ZNF804B: variants seen among roughly 807,000 people sequenced by gnomAD.
ZNF804B encodes zinc finger protein 804B.
A neutral mutation model predicts 101.4 loss-of-function variants in ZNF804B; 80 were observed. The ratio of observed to expected loss-of-function variants is 0.79; its 90% CI spans 0.66 to 0.95. ZNF804B has a LOEUF of 0.95. ZNF804B is among the 40% of genes least tolerant of loss of function. The probability of loss-of-function intolerance (pLI) is 0.00; values close to 1 mark genes in which losing one functional copy is unlikely to be tolerated. For missense variants in ZNF804B, 1,673 were observed against 1,561.9 expected (o/e 1.07, Z -1.20); for synonymous variants, 622 against 558.8 (o/e 1.11, Z -1.59).
At chr7:89,127,628 C>G (rs1364747560) in intron 1 of ZNF804B, among the ~76,000 whole-genome samples, 12 of 151,694 alleles carry the variant, frequency 7.9e-5, no homozygotes, top group Admixed American at 7.9e-4. Context: ...GCGCAGATAA[C>G]ATATAGTTCT....
At chr7:88,835,756 C>G (rs1001985533) in intron 1 of ZNF804B, among the ~76,000 whole-genome samples, 4 of 151,718 alleles carry the variant, frequency 2.6e-5, no homozygotes, top group Admixed American at 2.0e-4. Context: ...TACATATATC[C>G]TTTTTCAGTG....
At chr7:88,896,980 C>A (rs1792299241) in intron 1 of ZNF804B, among the ~76,000 whole-genome samples, 1 of 152,144 alleles carries the variant, frequency 6.6e-6, no homozygotes, top group African/African-American at 2.4e-5. Flanking sequence ...TGACTGCCTT[C>A]CAATTCTTCT....
rs1036805960 is a variant in ZNF804B, at chr7:88,798,979, A to G, written c.108+38895A>G. ...TAGCTATCCAAGTTCAAGTTCAAAC[A>G]ACTGATAAGTCACAGAACCTTAATA... On this transcript the variant is annotated intron_variant, in intron 1 of 3. Transcript: ENST00000333190. Among the ~76,000 whole-genome samples the G allele has an allele frequency of 5.3e-5, 8 of 152,236 alleles. No individual in the cohort carries two copies. In the East Asian group the frequency reaches 1.5e-3, roughly 29 times the overall value.
chr7:88,852,393 T>A (rs763127814), intron 1 of ZNF804B, among the ~76,000 whole-genome samples: 3 of 152,110 alleles, frequency 2.0e-5, no homozygotes, highest in Non-Finnish European at 4.4e-5. Flanking sequence ...CTAGACTGAT[T>A]AAGGCCCTAG....
chr7:88,916,885 G>A lies in ZNF804B; in HGVS notation c.108+156801G>A, dbSNP rs541742341. Among the ~76,000 whole-genome samples the A allele has an allele frequency of 6.6e-5, 10 of 152,212 alleles. No homozygotes were observed. The East Asian group carries it at 1.4e-3, about 21-fold the overall frequency. On this transcript the variant is annotated intron_variant, in intron 1 of 3. Transcript: ENST00000333190. ...TACTTAAGAGTGTTAATAGTACTTT[G>A]TTTAGTGTTTTTAATGAAAGATGGT...
intron 1 of ZNF804B, among the ~76,000 whole-genome samples, chr7:89,207,542 T>C (rs1788732633): frequency 6.6e-6 from 1 of 152,202 alleles, no homozygotes; most frequent in Admixed American, 6.5e-5. Flanking sequence ...AAGGTGAGAT[T>C]TGGGTGGGGA....
chr7:88,881,537 C>A (rs944190253), intron 1 of ZNF804B, among the ~76,000 whole-genome samples: 1 of 152,084 alleles, frequency 6.6e-6, no homozygotes, highest in African/African-American at 2.4e-5. Context: ...GTTCTTCAGT[C>A]CAAGACATCT....
chr7:88,982,732 G>T (rs1475820941), intron 1 of ZNF804B, among the ~76,000 whole-genome samples: 1 of 152,014 alleles, frequency 6.6e-6, no homozygotes, highest in Non-Finnish European at 1.5e-5. Flanking sequence ...TTCAATTTAT[G>T]AATTTAGGGG....
intron 1 of ZNF804B, among the ~76,000 whole-genome samples, chr7:88,889,622 C>G (rs540875928): frequency 2.0e-5 from 3 of 152,238 alleles, no homozygotes; most frequent in African/African-American, 7.2e-5. Context: ...GCCCTTTGCC[C>G]ACTTTTTGAT....
At chr7:89,248,995 A>G (rs2115782475) in intron 2 of ZNF804B, among the ~76,000 whole-genome samples, 1 of 151,378 alleles carries the variant, frequency 6.6e-6, no homozygotes, top group East Asian at 1.9e-4. Flanking sequence ...AGCTATTCTT[A>G]TATGAAACAA....
At chr7:88,854,825 A>G (rs1291224608) in intron 1 of ZNF804B, among the ~76,000 whole-genome samples, 10 of 138,112 alleles carry the variant, frequency 7.2e-5, no homozygotes, top group African/African-American at 1.9e-4. Flanking sequence ...TCAGTGTTCA[A>G]TTCCCACCTA....
chr7:89,220,642 A>G (rs139584366), intron 2 of ZNF804B, among the ~76,000 whole-genome samples: 1 of 152,084 alleles, frequency 6.6e-6, no homozygotes, highest in East Asian at 1.9e-4. Flanking sequence ...ATGCTTTAAA[A>G]TTGATGCTTT....
At chr7:89,295,813 T>C (rs956171010) in intron 2 of ZNF804B, among the ~76,000 whole-genome samples, 1 of 152,128 alleles carries the variant, frequency 6.6e-6, no homozygotes, top group Admixed American at 6.6e-5. Flanking sequence ...TTTGGAATAC[T>C]GTTGAGCCAT....
intron 2 of ZNF804B, among the ~76,000 whole-genome samples, chr7:89,220,108 T>C (rs866454810): frequency 0.011 from 1,232 of 108,092 alleles, 393 homozygotes; most frequent in African/African-American, 0.03. Flanking sequence ...TATATATGTG[T>C]GTATATACAT....
intron 1 of ZNF804B, among the ~76,000 whole-genome samples, chr7:89,116,313 A>G (rs1790312380): frequency 6.6e-6 from 1 of 152,200 alleles, no homozygotes; most frequent in African/African-American, 2.4e-5. Flanking sequence ...GATTTAAGAC[A>G]GGTATGGCTA....
chr7:89,131,799 C>T (rs892099816), intron 1 of ZNF804B, among the ~76,000 whole-genome samples: 1 of 151,940 alleles, frequency 6.6e-6, no homozygotes, highest in African/African-American at 2.4e-5. Context: ...ACTCCTCATT[C>T]TCCTGAGGAA....
intron 1 of ZNF804B, among the ~76,000 whole-genome samples, chr7:88,978,669 T>G (rs1444021086): frequency 1.3e-5 from 2 of 151,704 alleles, no homozygotes; most frequent in Non-Finnish European, 2.9e-5. Flanking sequence ...AGTCATCTAC[T>G]CTGTGTCATT....
chr7:88,939,739 TAA>T (rs1793029516), intron 1 of ZNF804B, among the ~76,000 whole-genome samples: 1 of 150,930 alleles, frequency 6.6e-6, no homozygotes, highest in Non-Finnish European at 1.5e-5. Context: ...ATAATCCAAA[TAA>T]AGTTGTTAAA....
chr7:88,930,055 A>ATATTAAATTATT (rs1237638094), intron 1 of ZNF804B, among the ~76,000 whole-genome samples: 1 of 151,908 alleles, frequency 6.6e-6, no homozygotes, highest in Non-Finnish European at 1.5e-5. Flanking sequence ...TTAAATTTAT[A>ATATTAAATTATT]TATTAAATTA....
Sources: allele counts gnomAD v4.1 joint callset (sites outside exome capture counted in the v4.1 genomes callset), GRCh38; gene constraint gnomAD v4.1.1; transcripts MANE v1.5; gene names NCBI Gene and HGNC (gene_info 2026-07-23, HGNC 2026-07-21).